Variants in CCDC39 observed in about 807,000 individuals in gnomAD.
CCDC39 encodes the protein coiled-coil domain-containing protein 39.
Under a neutral mutation model 121.0 loss-of-function variants are expected in CCDC39, and 113 were observed. The ratio of observed to expected loss-of-function variants is 0.93; its 90% CI spans 0.80 to 1.09. The LOEUF is 1.09. CCDC39 is among the 50% of genes least tolerant of loss of function. The pLI is 0.00. For missense variants in CCDC39, 1,063 were observed against 1,074.7 expected (o/e 0.99, Z 0.15); for synonymous variants, 349 against 352.2 (o/e 0.99, Z 0.10).
chr3:180,644,321 T>G (rs1576942692), intron 11 of CCDC39, 64 bp from the exon 12 acceptor site: 1 of 947,238 alleles, frequency 1.1e-6, no homozygotes, highest in East Asian at 2.7e-5. Context: ...ATTAAATACA[T>G]GCTGTATTAT....
Position 180,654,875 on chromosome 3 carries a change from T to C in CCDC39, c.817A>G (p.Ile273Val). Reference protein sequence around the residue: ...KEKIKFLESEIGNNTEFEKRI... With the variant: ...KEKIKFLESEVGNNTEFEKRI... Reference sequence around the variant, plus strand: ...TTCTCAAACTCTGTGTTATTCCCAATCTCACTTTCCAAAAACTTGATCTTT... The same window carrying C: ...TTCTCAAACTCTGTGTTATTCCCAACCTCACTTTCCAAAAACTTGATCTTT... The change falls in exon 7 of 20, where the codon ATT becomes GTT. Residue 273 changes from isoleucine (I) to valine (V), a missense_variant. Transcript: ENST00000476379. 6.3e-7 allele frequency: 1 copy of C among 1,597,394 alleles called. No homozygotes were observed. The highest frequency in any genetic ancestry group is 8.5e-7 in the Non-Finnish European group (1 of 1,174,136).
intron 13 of CCDC39, among the ~76,000 whole-genome samples, chr3:180,634,251 C>T (rs1001911043): frequency 6.6e-6 from 1 of 151,622 alleles, no homozygotes; most frequent in African/African-American, 2.4e-5. Context: ...GCCACTGGCT[C>T]TGCAGTGGTA....
intron 14 of CCDC39, among the ~76,000 whole-genome samples, chr3:180,621,474 C>T (rs1263781343): frequency 1.3e-5 from 2 of 152,026 alleles, no homozygotes; most frequent in Non-Finnish European, 2.9e-5. Context: ...CTTTAATTTA[C>T]ATTTCTCTAA....
At chr3:180,674,796 T>C (rs192954200) in intron 1 of CCDC39, among the ~76,000 whole-genome samples, 4 of 152,352 alleles carry the variant, frequency 2.6e-5, no homozygotes, top group Admixed American at 6.5e-5. Flanking sequence ...GATTTGCATA[T>C]GTTGAACCAG....
intron 11 of CCDC39, among the ~76,000 whole-genome samples, chr3:180,646,690 T>G (rs1349050736): frequency 8.5e-5 from 13 of 152,096 alleles, no homozygotes; most frequent in Non-Finnish European, 1.5e-5. Flanking sequence ...CTAGAACTTA[T>G]CAATGTTCTA....
chr3:180,620,844 G>C (rs74640160), intron 14 of CCDC39, among the ~76,000 whole-genome samples: 4 of 152,122 alleles, frequency 2.6e-5, no homozygotes, highest in Non-Finnish European at 5.9e-5. Context: ...GTGGTGACTA[G>C]TGTACTACCT....
chr3:180,616,970 T>A lies in CCDC39; in HGVS notation c.2266-4A>T. 7.7e-7 allele frequency: 1 copy of A among 1,290,652 alleles called. No individual in the cohort carries two copies. The highest frequency in any genetic ancestry group is 1.1e-6 in the Non-Finnish European group (1 of 950,224). The allele number at this position is 1,290,652 out of a possible 1,614,324, so 79.9% of individuals were successfully genotyped here. ...CATCTAATGTATTTTCCATGCTCTG[T>A]AGAAAAAATATTAACATGTATTTTT... On this transcript the variant is annotated splice_polypyrimidine_tract_variant and splice_region_variant and intron_variant, in intron 16 of 19. Transcript: ENST00000476379.
chr3:180,652,573 A>G (rs1365809466), intron 7 of CCDC39, among the ~76,000 whole-genome samples: 1 of 152,170 alleles, frequency 6.6e-6, no homozygotes, highest in East Asian at 1.9e-4. Flanking sequence ...AGATAAGCTA[A>G]TATATATGTG....
intron 1 of CCDC39, among the ~76,000 whole-genome samples, chr3:180,676,400 C>A (rs1434817993): frequency 3.3e-5 from 5 of 152,232 alleles, no homozygotes; most frequent in African/African-American, 9.6e-5. Flanking sequence ...AAATGCTCAT[C>A]ATCACTGGCC....
chr3:180,667,805 CCAAA>C (rs1175513292), intron 1 of CCDC39, among the ~76,000 whole-genome samples: 1 of 152,078 alleles, frequency 6.6e-6, no homozygotes, highest in Non-Finnish European at 1.5e-5. Flanking sequence ...GCCTCTTGCA[CCAAA>C]CAATTAACTA....
At chr3:180,646,254 C>T (rs763670031) in intron 11 of CCDC39, among the ~76,000 whole-genome samples, 4 of 151,742 alleles carry the variant, frequency 2.6e-5, no homozygotes, top group Non-Finnish European at 4.4e-5. Context: ...CAAACTACTC[C>T]AAACCAAAAT....
At chr3:180,677,260 A>T (rs1364242992) in intron 1 of CCDC39, among the ~76,000 whole-genome samples, 1 of 132,206 alleles carries the variant, frequency 7.6e-6, no homozygotes, top group Non-Finnish European at 1.6e-5. Flanking sequence ...TCATTTGAGG[A>T]TAAAATCCAG....
intron 6 of CCDC39, among the ~76,000 whole-genome samples, chr3:180,656,224 A>AT (rs1481050947): frequency 1.3e-5 from 2 of 152,144 alleles, no homozygotes; most frequent in African/African-American, 2.4e-5. Context: ...TTGCCTTATG[A>AT]TTTTTTCTAC....
Position 180,679,440 on chromosome 3 carries a change from G to C in CCDC39, c.-60C>G, listed in dbSNP as rs1049781440. The C allele has an allele frequency of 6.7e-7, 1 of 1,483,028 alleles. No individual in the cohort carries two copies. The highest frequency in any genetic ancestry group is 1.1e-5 in the South Asian group (1 of 88,632). The allele number at this position is 1,483,028 out of a possible 1,614,324, so 91.9% of individuals were successfully genotyped here. A position where few individuals can be genotyped will look rare whatever the true frequency, so the allele number is the denominator to read the frequency against. On this transcript the variant is annotated 5_prime_UTR_variant, in exon 1 of 20. Transcript: ENST00000476379. This position sits in a 1 kb window ranked among gnomAD's most constrained non-coding sequence, Gnocchi z 4.0. The stretch of plus-strand genomic sequence containing the variant: ...ATCCGCCTTCTTGTACAGCGGGTGA[G>C]CAGCACCCGCGTCAAGCCCAGGCAC...
At chr3:180,647,687 A>T (rs1718105258) in intron 10 of CCDC39, among the ~76,000 whole-genome samples, 1 of 148,946 alleles carries the variant, frequency 6.7e-6, no homozygotes, top group Admixed American at 6.7e-5. Context: ...TTAAAAACTA[A>T]GAATATATAT....
chr3:180,655,231 G>A (rs1302430801), intron 6 of CCDC39, among the ~76,000 whole-genome samples: 1 of 152,036 alleles, frequency 6.6e-6, no homozygotes, highest in Non-Finnish European at 1.5e-5. Flanking sequence ...ATATATGAAA[G>A]GTAAAAACCT....
chr3:180,644,687 C>T (rs892305310), intron 11 of CCDC39, among the ~76,000 whole-genome samples: 21 of 152,138 alleles, frequency 1.4e-4, no homozygotes, highest in Non-Finnish European at 3.1e-4. Context: ...ATTATCTTTA[C>T]ATTACTTATG....
Position 180,621,680 on chromosome 3 carries a change from GTAA to G in CCDC39, c.1999-1713_1999-1711del, listed in dbSNP as rs957264883. The stretch of plus-strand genomic sequence containing the variant: ...GTGTACAGATTTTTTTGTCACACAG[GTAA>G]TAAGCATACTTTCCCCAGTGTATGT... On this transcript the variant is annotated intron_variant, in intron 14 of 19. Transcript: ENST00000476379. 1.1e-3 allele frequency among the ~76,000 whole-genome samples: 163 copies of G among 152,098 alleles called. 1 individual carries two copies. The highest frequency in any genetic ancestry group is 3.7e-3 in the African/African-American group (155 of 41,540).
At chr3:180,647,278 G>GA (rs538986399) in intron 10 of CCDC39, 35 bp from the exon 11 acceptor site, 676 of 1,432,950 alleles carry the variant, frequency 4.7e-4, no homozygotes, top group Non-Finnish European at 5.1e-4. Context: ...GTATTACAAA[G>GA]AAAAAAAAAG....
Sources: allele counts gnomAD v4.1 joint callset (sites outside exome capture counted in the v4.1 genomes callset), GRCh38; gene constraint gnomAD v4.1.1; non-coding constraint Gnocchi (gnomAD v3.1); transcripts MANE v1.5; gene names NCBI Gene and HGNC (gene_info 2026-07-23, HGNC 2026-07-21).